The following POU4F3 variants were observed in gnomAD, a reference collection of about 807,000 sequenced individuals.
POU4F3 encodes POU class 4 homeobox 3.
POU4F3 carries 7 observed loss-of-function variants against 22.0 expected under a neutral mutation model. That is an observed-to-expected ratio of 0.32 (90% CI 0.18 to 0.60). The LOEUF is 0.60. Among genes scored for constraint, POU4F3 ranks in the 20% least tolerant of loss-of-function variants. The pLI, the probability that POU4F3 is intolerant of heterozygous loss-of-function variation, is 0.85. For missense variants in POU4F3, 457 were observed against 467.4 expected (o/e 0.98, Z 0.21); for synonymous variants, 220 against 194.5 (o/e 1.13, Z -1.09).
chr5:146,339,921 A>G lies in POU4F3; in HGVS notation c.494A>G (p.His165Arg). Reference protein sequence around the residue: ...LHQAMGMSHPHTVAPHSAMPA... With the variant: ...LHQAMGMSHPRTVAPHSAMPA... ...CAGGCCATGGGCATGAGTCACCCGC[A>G]CACCGTGGCCCCTCATAGCGCCATG... Residue 165 changes from histidine (H) to arginine (R), a missense_variant, in exon 2 of 2, where the codon CAC (histidine) becomes CGC (arginine). Around this residue, in one of 2 missense-constraint regions of POU4F3, gnomAD observed 410 missense variants for 385.0 expected, o/e 1.06. Transcript: ENST00000646991. This position sits in a 1 kb window ranked among gnomAD's most constrained non-coding sequence, Gnocchi z 4.7. 2 of 1,609,950 alleles carry G rather than the reference A, an allele frequency of 1.2e-6. No homozygotes were observed. Among genetic ancestry groups the G allele is most frequent in the Middle Eastern group, 1.6e-4 (1 of 6,062 alleles).
In POU4F3 at chr5:146,338,918, C is replaced by T. The variant is rs901864924; in HGVS notation, c.-195C>T. 3.4e-6 allele frequency: 3 copies of T among 892,552 alleles called. No homozygotes were observed. The highest frequency in any genetic ancestry group is 5.2e-6 in the Non-Finnish European group (3 of 575,542). The allele number at this position is 892,552 out of a possible 1,614,324, so 55.3% of individuals were successfully genotyped here. On this transcript the variant is annotated 5_prime_UTR_variant, in exon 1 of 2. It adds an upstream start codon to the 5' untranslated region. Transcript: ENST00000646991. The stretch of plus-strand genomic sequence containing the variant: ...CCTGCGAGTCCCCGGCGCGTGAGCA[C>T]GCCTGCGCGCGCCCGGGCCCTTCCT...
Position 146,339,479 on chromosome 5 carries a change from G to A in POU4F3, c.121-69G>A. ...TTGAGGAGAGGCATCTCGGTTGCTT[G>A]AAAATGTGTTTTAATCCTGTGTTGA... On this transcript the variant is annotated intron_variant, in intron 1 of 1. Transcript: ENST00000646991. The surrounding 1 kb of genome is among the most constrained non-coding windows in gnomAD (Gnocchi z 4.7). 1 of 1,601,206 alleles carries A rather than the reference G, an allele frequency of 6.2e-7. No homozygotes were observed. The highest frequency in any genetic ancestry group is 8.6e-7 in the Non-Finnish European group (1 of 1,169,262).
Position 146,341,671 on chromosome 5 carries a change from T to C in POU4F3, c.*1227T>C, listed in dbSNP as rs1352106112. On this transcript the variant is annotated 3_prime_UTR_variant, in exon 2 of 2. Coordinates refer to ENST00000646991, the MANE Select transcript of POU4F3 (RefSeq NM_002700.3). ...GATACAAATAAAATATTAAGTTTTC[T>C]TTTCCCTTTACCCCTTGAATTAACT... The C allele has an allele frequency of 6.6e-6, 1 of 152,234 alleles. No individual in the cohort carries two copies. The highest frequency in any genetic ancestry group is 1.5e-5 in the Non-Finnish European group (1 of 68,044). 9.4% of individuals were successfully genotyped at this position (152,234 alleles called of 1,614,324 possible).
Position 146,340,299 on chromosome 5 carries a change from C to G in POU4F3, c.872C>G (p.Ala291Gly), listed in dbSNP as rs1159635933. ...IAAPEKRSLEAYFAIQPRPSS... is the reference protein window; with the variant it reads ...IAAPEKRSLEGYFAIQPRPSS... The stretch of plus-strand genomic sequence containing the variant: ...GCGCCGGAGAAGCGTTCACTCGAGG[C>G]CTATTTCGCTATCCAGCCACGTCCT... Residue 291 changes from alanine to glycine, a missense_variant, in exon 2 of 2, where the codon GCC (alanine) becomes GGC (glycine). Transcript: ENST00000646991. The G allele has an allele frequency of 6.2e-7, 1 of 1,614,094 alleles. No individual in the cohort carries two copies. Among genetic ancestry groups the G allele is most frequent in the African/African-American group, 1.3e-5 (1 of 74,934 alleles).
chr5:146,340,142 A>G lies in POU4F3; in HGVS notation c.715A>G (p.Asn239Asp). ...CRFESLTLSH[N>D]NMIALKPVLQ... ...GTTCGAGTCTCTCACTCTCTCGCAC[A>G]ACAACATGATCGCTCTCAAGCCGGT... The change falls in exon 2 of 2, where the codon AAC becomes GAC. Residue 239 changes from asparagine (N) to aspartate (D), a missense_variant. Asn to Asp is a conservative substitution (Grantham distance 23). This residue lies in a region of POU4F3 where 410 missense variants were observed against 385.0 expected (regional missense o/e 1.06). Transcript: ENST00000646991. 1 of 1,614,152 alleles carries G rather than the reference A, an allele frequency of 6.2e-7. No individual in the cohort carries two copies. Among genetic ancestry groups the G allele is most frequent in the East Asian group, 2.2e-5 (1 of 44,850 alleles).
rs1393908503 is a variant in POU4F3 at position 146,338,993 on chromosome 5, G to T, written c.-120G>T. ...AAGAAGCAGGTGGGGGAGAGGGGAG[G>T]CAGCGAGCGAGAGGGCGAGGGGAGC... On this transcript the variant is annotated 5_prime_UTR_variant, in exon 1 of 2. Transcript: ENST00000646991. 7.0e-7 allele frequency: 1 copy of T among 1,432,552 alleles called. No individual in the cohort carries two copies. The highest frequency in any genetic ancestry group is 9.6e-7 in the Non-Finnish European group (1 of 1,042,446). 88.7% of individuals were successfully genotyped at this position (1,432,552 alleles called of 1,614,324 possible).
Position 146,340,686 on chromosome 5 carries a change from A to C in POU4F3, c.*242A>C. 1 of 575,276 alleles carries C rather than the reference A, an allele frequency of 1.7e-6. No homozygotes were observed. The highest frequency in any genetic ancestry group is 3.0e-5 in the Admixed American group (1 of 33,532). The allele number at this position is 575,276 out of a possible 1,614,324, so 35.6% of individuals were successfully genotyped here. A position where few individuals can be genotyped will look rare whatever the true frequency, so the allele number is the denominator to read the frequency against. On this transcript the variant is annotated 3_prime_UTR_variant, in exon 2 of 2. Transcript: ENST00000646991. ...ATTGCAGAAGGGCGGGCCTGAGTGT[A>C]CTTGTGCTGTCCGTGGTGCTGAAAT... is the stretch of plus-strand genomic sequence containing the variant.
rs1255653443 is a variant in POU4F3, at chr5:146,339,616, G to A, written c.189G>A (p.Val63=). ...LLARAEALAA[V]DIVSHGKNHP... ...CACGCGCCGAAGCTCTGGCGGCGGT[G>A]GATATCGTCTCCCACGGCAAGAACC... The change falls in exon 2 of 2, where the codon GTG becomes GTA. Residue 63 remains valine, a synonymous_variant. Transcript: ENST00000646991. This position sits in a 1 kb window ranked among gnomAD's most constrained non-coding sequence, Gnocchi z 4.7. 1.2e-6 allele frequency: 2 copies of A among 1,614,212 alleles called. No individual in the cohort carries two copies. The highest frequency in any genetic ancestry group is 1.1e-5 in the South Asian group (1 of 91,092).
chr5:146,339,031 C>T lies in POU4F3; in HGVS notation c.-82C>T. The T allele has an allele frequency of 1.3e-6, 2 of 1,583,964 alleles. No individual in the cohort carries two copies. The highest frequency in any genetic ancestry group is 1.7e-6 in the Non-Finnish European group (2 of 1,163,818). On this transcript the variant is annotated 5_prime_UTR_variant, in exon 1 of 2. Coordinates refer to ENST00000646991, the MANE Select transcript of POU4F3 (RefSeq NM_002700.3). This position sits in a 1 kb window ranked among gnomAD's most constrained non-coding sequence, Gnocchi z 4.7. ...GGGCGAGGGGAGCGCGGGCGCTGAGCAGCGCTCACTTGGAGAGCGGCAAGC... is the reference window on the plus strand; with the variant it reads ...GGGCGAGGGGAGCGCGGGCGCTGAGTAGCGCTCACTTGGAGAGCGGCAAGC...
rs1760431706 is a variant in POU4F3 at position 146,340,126 on chromosome 5, T to C, written c.699T>C (p.Ser233=). 6.2e-7 allele frequency: 1 copy of C among 1,614,002 alleles called. No homozygotes were observed. Among genetic ancestry groups the C allele is most frequent in the African/African-American group, 1.3e-5 (1 of 74,902 alleles). The change falls in exon 2 of 2, where the codon TCT becomes TCC. Residue 233 remains serine, a synonymous_variant. Coordinates refer to ENST00000646991, the MANE Select transcript of POU4F3 (RefSeq NM_002700.3). Reference sequence around the variant, plus strand: ...AAAGCACCATCTGCAGGTTCGAGTCTCTCACTCTCTCGCACAACAACATGA... The same window carrying C: ...AAAGCACCATCTGCAGGTTCGAGTCCCTCACTCTCTCGCACAACAACATGA... ...LSQSTICRFE[S]LTLSHNNMIA...
rs1374234396 is a variant in POU4F3 at position 146,341,589 on chromosome 5, C to T, written c.*1145C>T. The T allele has an allele frequency of 6.6e-6, 1 of 152,024 alleles. No individual in the cohort carries two copies. The highest frequency in any genetic ancestry group is 1.5e-5 in the Non-Finnish European group (1 of 68,012). 9.4% of individuals were successfully genotyped at this position (152,024 alleles called of 1,614,324 possible). On this transcript the variant is annotated 3_prime_UTR_variant, in exon 2 of 2. Transcript: ENST00000646991. ...TAGCCCAAATTTTATTTTATTTTTTCGTTGTTTCATGTAGTTTGTGTGTTG... is the reference window on the plus strand; with the variant it reads ...TAGCCCAAATTTTATTTTATTTTTTTGTTGTTTCATGTAGTTTGTGTGTTG...
rs778108419 is a variant in POU4F3, at chr5:146,339,673, C to A, written c.246C>A (p.Thr82=). 6.2e-7 allele frequency: 1 copy of A among 1,614,242 alleles called. No homozygotes were observed. The highest frequency in any genetic ancestry group is 1.1e-5 in the South Asian group (1 of 91,092). ...HPFKPDATYH[T]MSSVPCTSTS... is the part of the protein sequence containing the mutation. ...TCAAGCCCGACGCCACCTACCATAC[C>A]ATGAGCAGCGTGCCCTGCACGTCCA... The change falls in exon 2 of 2, where the codon ACC becomes ACA. Residue 82 remains threonine, a synonymous_variant. Coordinates refer to ENST00000646991, the MANE Select transcript of POU4F3 (RefSeq NM_002700.3). This position sits in a 1 kb window ranked among gnomAD's most constrained non-coding sequence, Gnocchi z 4.7.
rs772032634 is a variant in POU4F3, at chr5:146,340,474, G to A, written c.*30G>A. 36 of 1,612,742 alleles carry A rather than the reference G, an allele frequency of 2.2e-5. No individual in the cohort carries two copies. The highest frequency in any genetic ancestry group is 9.3e-6 in the Non-Finnish European group (11 of 1,179,954). ...GGCAGGGCGCAGCGTCGGGAGCCGG[G>A]AGAGCCTAGTGCTCATCCCTCCCGG... On this transcript the variant is annotated 3_prime_UTR_variant, in exon 2 of 2. Coordinates refer to ENST00000646991, the MANE Select transcript of POU4F3 (RefSeq NM_002700.3).
chr5:146,339,347 TC>T lies in POU4F3; in HGVS notation c.120+120del. ...CGCTGTCTGAACCCCTCTCCTTGTC[TC>T]CCCCGCGTTCTCTCCCGGCGCGCTC... is the stretch of plus-strand genomic sequence containing the variant. On this transcript the variant is annotated intron_variant, in intron 1 of 1. Coordinates refer to ENST00000646991, the MANE Select transcript of POU4F3 (RefSeq NM_002700.3). The surrounding 1 kb of genome is among the most constrained non-coding windows in gnomAD (Gnocchi z 4.7). 6.4e-7 allele frequency: 1 copy of T among 1,550,710 alleles called. No homozygotes were observed. Among genetic ancestry groups the T allele is most frequent in the Non-Finnish European group, 8.9e-7 (1 of 1,129,772 alleles).
In POU4F3 at chr5:146,339,560, A is replaced by G; in HGVS notation, c.133A>G (p.Ile45Val). 1.9e-6 allele frequency: 3 copies of G among 1,614,104 alleles called. No individual in the cohort carries two copies. Among genetic ancestry groups the G allele is most frequent in the Non-Finnish European group, 2.5e-6 (3 of 1,180,034 alleles). Residue 45 changes from isoleucine to valine, a missense_variant, in exon 2 of 2, where the codon ATA (isoleucine) becomes GTA (valine). By Grantham distance (29) the Ile-to-Val change is conservative. Transcript: ENST00000646991. This position sits in a 1 kb window ranked among gnomAD's most constrained non-coding sequence, Gnocchi z 4.7. ...CLPAPQLQGN[I>V]FGSFDESLLA... ...TTCTCGCTTGCAGCTGCAGGGTAAT[A>G]TATTTGGAAGCTTTGATGAGAGCCT...
chr5:146,339,941 G>C lies in POU4F3; in HGVS notation c.514G>C (p.Ala172Pro), dbSNP rs763147341. The change falls in exon 2 of 2, where the codon GCC becomes CCC. Residue 172 changes from alanine to proline, a missense_variant. Ala to Pro is a conservative substitution (Grantham distance 27, BLOSUM62 -1). Around this residue, in one of 2 missense-constraint regions of POU4F3, gnomAD observed 410 missense variants for 385.0 expected, o/e 1.06. Transcript: ENST00000646991. This position sits in a 1 kb window ranked among gnomAD's most constrained non-coding sequence, Gnocchi z 4.7. ...CCCGCACACCGTGGCCCCTCATAGC[G>C]CCATGCCTGCATGCCTCAGCGACGT... Reference protein sequence around the residue: ...SHPHTVAPHSAMPACLSDVES... With the variant: ...SHPHTVAPHSPMPACLSDVES... The C allele has an allele frequency of 6.2e-7, 1 of 1,610,646 alleles. No homozygotes were observed.
At position 146,339,471 on chromosome 5, in the gene POU4F3, G is replaced by C; in HGVS notation, c.121-77G>C. The C allele has an allele frequency of 6.3e-7, 1 of 1,585,046 alleles. No homozygotes were observed. Among genetic ancestry groups the C allele is most frequent in the Non-Finnish European group, 8.7e-7 (1 of 1,155,790 alleles). On this transcript the variant is annotated intron_variant, in intron 1 of 1. Coordinates refer to ENST00000646991, the MANE Select transcript of POU4F3 (RefSeq NM_002700.3). The surrounding 1 kb of genome is among the most constrained non-coding windows in gnomAD (Gnocchi z 4.7). ...CCTGGGCTTTGAGGAGAGGCATCTC[G>C]GTTGCTTGAAAATGTGTTTTAATCC...
rs1472552038 is a variant in POU4F3, at chr5:146,341,523, G to C, written c.*1079G>C. 6.6e-6 allele frequency: 1 copy of C among 152,074 alleles called. No individual in the cohort carries two copies. Among genetic ancestry groups the C allele is most frequent in the Non-Finnish European group, 1.5e-5 (1 of 68,024 alleles). 9.4% of individuals were successfully genotyped at this position (152,074 alleles called of 1,614,324 possible). ...CACTTATAGTTTTGTGAGGGAAGAG[G>C]AGTGGGACCATGGGCCTGAACCCTT... On this transcript the variant is annotated 3_prime_UTR_variant, in exon 2 of 2. Transcript: ENST00000646991.
Position 146,340,270 on chromosome 5 carries a change from C to G in POU4F3, c.843C>G (p.Ile281Met), listed in dbSNP as rs774467201. Residue 281 changes from isoleucine to methionine, a missense_variant, in exon 2 of 2, where the codon ATC becomes ATG. Around this residue, in one of 2 missense-constraint regions of POU4F3, gnomAD observed 47 missense variants for 82.4 expected, o/e 0.57. Transcript: ENST00000646991. ...GSERKRKRTS[I>M]AAPEKRSLEA... ...AACGGAAGCGCAAACGCACGTCCAT[C>G]GCGGCGCCGGAGAAGCGTTCACTCG... The G allele has an allele frequency of 6.2e-7, 1 of 1,614,086 alleles. No individual in the cohort carries two copies. Among genetic ancestry groups the G allele is most frequent in the Non-Finnish European group, 8.5e-7 (1 of 1,180,050 alleles).
Sources: allele counts gnomAD v4.1 joint callset, GRCh38; gene constraint gnomAD v4.1.1; regional missense constraint gnomAD v4.1.1; non-coding constraint Gnocchi (gnomAD v3.1); transcripts MANE v1.5; gene names NCBI Gene and HGNC (gene_info 2026-07-23, HGNC 2026-07-21).